The following EPHA6 variants were observed in gnomAD, a reference collection of about 807,000 sequenced individuals.
EPHA6 encodes the protein ephrin type-A receptor 6.
A neutral mutation model predicts 112.0 loss-of-function variants in EPHA6; 50 were observed. The ratio of observed to expected loss-of-function variants is 0.45; its 90% CI spans 0.36 to 0.56. The LOEUF is 0.56. EPHA6 is among the 20% of genes least tolerant of loss of function. The probability of loss-of-function intolerance (pLI) is 0.00; values close to 1 mark genes in which losing one functional copy is unlikely to be tolerated. For synonymous variants in EPHA6, 529 were observed against 490.7 expected (o/e 1.08, Z -1.03); for missense variants, 1,280 against 1,417.4 (o/e 0.90, Z 1.56).
intron 3 of EPHA6, among the ~76,000 whole-genome samples, chr3:97,173,414 C>T (rs954502300): frequency 3.3e-5 from 5 of 151,736 alleles, no homozygotes; most frequent in Non-Finnish European, 7.4e-5. Flanking sequence ...GTATTAAGTA[C>T]ATCATGGTCA....
chr3:97,656,865 T>G (rs1292088715), intron 14 of EPHA6, among the ~76,000 whole-genome samples: 1 of 151,964 alleles, frequency 6.6e-6, no homozygotes, highest in Admixed American at 6.6e-5. Context: ...ACACAAAGTT[T>G]CACTGTACCT....
intron 14 of EPHA6, among the ~76,000 whole-genome samples, chr3:97,707,972 C>G (rs1173952160): frequency 6.6e-6 from 1 of 152,094 alleles, no homozygotes; most frequent in Non-Finnish European, 1.5e-5. Flanking sequence ...TTGTTTTTAC[C>G]CAGTCTGAGG....
At chr3:96,949,113 T>C (rs916747885) in intron 2 of EPHA6, among the ~76,000 whole-genome samples, 1 of 152,176 alleles carries the variant, frequency 6.6e-6, no homozygotes, top group South Asian at 2.1e-4. Flanking sequence ...CCAAGAACAT[T>C]GCTACAGTTT....
chr3:97,009,658 G>A (rs2044009321), intron 3 of EPHA6, among the ~76,000 whole-genome samples: 1 of 152,240 alleles, frequency 6.6e-6, no homozygotes, highest in Non-Finnish European at 1.5e-5. Flanking sequence ...GTTGGCTTAA[G>A]CAGATTCCAG....
chr3:97,275,730 A>T (rs757701447), intron 5 of EPHA6, among the ~76,000 whole-genome samples: 2 of 151,902 alleles, frequency 1.3e-5, no homozygotes, highest in Non-Finnish European at 2.9e-5. Flanking sequence ...GGATATTGGC[A>T]TTGAACGGGG....
intron 3 of EPHA6, among the ~76,000 whole-genome samples, chr3:97,017,331 T>C (rs919174904): frequency 3.9e-5 from 6 of 152,218 alleles, no homozygotes; most frequent in Admixed American, 6.5e-5. Flanking sequence ...AGGCATTGCA[T>C]TGAACTCAGT....
intron 10 of EPHA6, among the ~76,000 whole-genome samples, chr3:97,510,013 T>C (rs1031245588): frequency 3.3e-5 from 5 of 152,240 alleles, no homozygotes; most frequent in African/African-American, 1.2e-4. Flanking sequence ...CATGAACTTC[T>C]TGTGCTATGT....
chr3:96,821,688 TA>T (rs2033269291), intron 1 of EPHA6, among the ~76,000 whole-genome samples: 2 of 151,892 alleles, frequency 1.3e-5, no homozygotes, highest in South Asian at 4.1e-4. Flanking sequence ...ATAAAAGCTT[TA>T]AAAATGTATT....
chr3:97,154,281 A>G (rs1203027117), intron 3 of EPHA6, among the ~76,000 whole-genome samples: 2 of 151,926 alleles, frequency 1.3e-5, no homozygotes, highest in African/African-American at 4.8e-5. Context: ...TAATTAATGA[A>G]TTTTTATTTT....
At chr3:96,845,284 G>A (rs1043283208) in intron 1 of EPHA6, among the ~76,000 whole-genome samples, 4 of 152,018 alleles carry the variant, frequency 2.6e-5, no homozygotes, top group African/African-American at 9.7e-5. Context: ...AGAATTCAAG[G>A]TGGAGCCTTA....
At chr3:97,718,271 A>G (rs1042562244) in intron 14 of EPHA6, among the ~76,000 whole-genome samples, 4 of 152,252 alleles carry the variant, frequency 2.6e-5, no homozygotes, top group African/African-American at 4.8e-5. Flanking sequence ...AAATACAAGT[A>G]GAGGTATCCT....
rs529486090 is a variant in EPHA6, at chr3:97,229,040, T to C, written c.1270+2621T>C. Among the ~76,000 whole-genome samples, 4 of 152,324 alleles carry C rather than the reference T, an allele frequency of 2.6e-5. No homozygotes were observed. In the East Asian group the frequency reaches 7.7e-4, roughly 29 times the overall value. On this transcript the variant is annotated intron_variant, in intron 4 of 17. Transcript: ENST00000389672. ...TCTTCTTTTGAGAATTGTCTATCCA[T>C]GTCCTTTGCCAACTTTTTGATGGGA...
At chr3:97,345,543 C>A (rs2083491441) in intron 5 of EPHA6, among the ~76,000 whole-genome samples, 1 of 152,120 alleles carries the variant, frequency 6.6e-6, no homozygotes, top group Non-Finnish European at 1.5e-5. Flanking sequence ...GGATTCCATG[C>A]TTTTCACCAA....
intron 5 of EPHA6, among the ~76,000 whole-genome samples, chr3:97,382,113 A>C (rs2085782061): frequency 6.6e-6 from 1 of 152,124 alleles, no homozygotes; most frequent in African/African-American, 2.4e-5. Context: ...TATTGTATGC[A>C]TGATGAGCAT....
chr3:97,699,216 A>G (rs2033222109), intron 14 of EPHA6, among the ~76,000 whole-genome samples: 1 of 152,216 alleles, frequency 6.6e-6, no homozygotes, highest in African/African-American at 2.4e-5. Flanking sequence ...AACAAGTACT[A>G]TGATGCAGCC....
intron 5 of EPHA6, among the ~76,000 whole-genome samples, chr3:97,295,946 C>T (rs1000852270): frequency 6.6e-6 from 1 of 152,138 alleles, no homozygotes; most frequent in South Asian, 2.1e-4. Flanking sequence ...CCTTGGGACC[C>T]TGGATGGTGA....
chr3:96,843,108 C>T (rs923770142), intron 1 of EPHA6, among the ~76,000 whole-genome samples: 10 of 152,042 alleles, frequency 6.6e-5, no homozygotes, highest in African/African-American at 1.4e-4. Flanking sequence ...AAGTTGAAAA[C>T]GTCATCTCTT....
intron 2 of EPHA6, among the ~76,000 whole-genome samples, chr3:96,979,655 A>T (rs570706099): frequency 6.6e-5 from 10 of 152,274 alleles, no homozygotes; most frequent in African/African-American, 2.2e-4. Context: ...GAACTAGTTT[A>T]CAGACCCACC....
At chr3:97,330,428 T>C (rs1328774945) in intron 5 of EPHA6, among the ~76,000 whole-genome samples, 1 of 152,192 alleles carries the variant, frequency 6.6e-6, no homozygotes, top group Non-Finnish European at 1.5e-5. Flanking sequence ...ATTTTCATGA[T>C]ATTGATTCTT....
Sources: allele counts gnomAD v4.1 joint callset (sites outside exome capture counted in the v4.1 genomes callset), GRCh38; gene constraint gnomAD v4.1.1; transcripts MANE v1.5; gene names NCBI Gene and HGNC (gene_info 2026-07-23, HGNC 2026-07-21).